The following ZFAND3 variants were observed in gnomAD, a reference collection of about 807,000 sequenced individuals.
ZFAND3 encodes the protein zinc finger AN1-type containing 3.
A neutral mutation model predicts 29.6 loss-of-function variants in ZFAND3; 10 were observed. The ratio of observed to expected loss-of-function variants is 0.34; its 90% CI spans 0.21 to 0.57. The LOEUF (loss-of-function observed/expected upper bound fraction) is 0.57, where lower values mean the gene tolerates loss of function less well. Ranked by LOEUF, ZFAND3 falls within the 20% of genes least tolerant of loss-of-function variation. The probability of loss-of-function intolerance (pLI) is 0.86; values close to 1 mark genes in which losing one functional copy is unlikely to be tolerated. For synonymous variants in ZFAND3, 128 were observed against 112.6 expected (o/e 1.14, Z -0.87); for missense variants, 230 against 304.5 (o/e 0.76, Z 1.82).
chr6:38,017,700 T>TA (rs970582480), intron 2 of ZFAND3, among the ~76,000 whole-genome samples: 150 of 145,040 alleles, frequency 1.0e-3, no homozygotes, highest in Non-Finnish European at 1.1e-3. Flanking sequence ...CTGCTCCCAT[T>TA]AAAAAAAAAA....
At chr6:38,001,932 T>C (rs1379492009) in intron 2 of ZFAND3, among the ~76,000 whole-genome samples, 1 of 152,186 alleles carries the variant, frequency 6.6e-6, no homozygotes, top group Admixed American at 6.5e-5. Context: ...AGTCTAAATA[T>C]TGATATATTA....
chr6:37,964,395 T>TTA (rs1194691786), intron 2 of ZFAND3, among the ~76,000 whole-genome samples: 1 of 152,102 alleles, frequency 6.6e-6, no homozygotes, highest in East Asian at 1.9e-4. Flanking sequence ...CAGAGGGAGA[T>TTA]TAAACTGGTG....
intron 2 of ZFAND3, among the ~76,000 whole-genome samples, chr6:37,994,847 A>T (rs1762822737): frequency 6.6e-6 from 1 of 152,146 alleles, no homozygotes; most frequent in Non-Finnish European, 1.5e-5. Context: ...TAGTGGCTAG[A>T]TATCAGGCAG....
chr6:37,998,888 G>C (rs977172741), intron 2 of ZFAND3, among the ~76,000 whole-genome samples: 2 of 152,182 alleles, frequency 1.3e-5, no homozygotes, highest in East Asian at 3.8e-4. Context: ...AATATTTACA[G>C]AGATGAATGT....
intron 1 of ZFAND3, among the ~76,000 whole-genome samples, chr6:37,844,576 C>T (rs115547387): frequency 0.015 from 2,342 of 152,080 alleles, 28 homozygotes; most frequent in Middle Eastern, 0.045. Flanking sequence ...CCACTGCGCC[C>T]GGCCAGTTTT....
At chr6:37,941,496 A>G (rs921408542) in intron 2 of ZFAND3, among the ~76,000 whole-genome samples, 3 of 152,284 alleles carry the variant, frequency 2.0e-5, no homozygotes, top group South Asian at 2.1e-4. Context: ...GTTTTTGTCT[A>G]ACACATTTTC....
intron 4 of ZFAND3, among the ~76,000 whole-genome samples, chr6:38,095,102 A>G (rs2127475390): frequency 6.6e-6 from 1 of 152,358 alleles, no homozygotes; most frequent in African/African-American, 2.4e-5. Context: ...TATGACATTT[A>G]CATTATTATG....
intron 5 of ZFAND3, among the ~76,000 whole-genome samples, chr6:38,138,855 A>G (rs188516978): frequency 6.6e-6 from 1 of 152,322 alleles, no homozygotes; most frequent in East Asian, 1.9e-4. Flanking sequence ...GATTCCTAGC[A>G]TTATTCTAGT....
At chr6:37,837,429 T>C (rs1461101668) in intron 1 of ZFAND3, among the ~76,000 whole-genome samples, 1 of 152,192 alleles carries the variant, frequency 6.6e-6, no homozygotes, top group Non-Finnish European at 1.5e-5. Context: ...TCTGTTGTTA[T>C]TTTAGGGAAT....
At chr6:37,822,455 T>C (rs1763684071) in intron 1 of ZFAND3, among the ~76,000 whole-genome samples, 1 of 152,228 alleles carries the variant, frequency 6.6e-6, no homozygotes, top group Non-Finnish European at 1.5e-5. Flanking sequence ...GTATCACAAC[T>C]GACTTTGGAC....
In ZFAND3 at chr6:38,120,320, C is replaced by CTTTTTTTTTTTTTTTTTTTTTTTTTT. The variant is rs70981523; in HGVS notation, c.529+3586_529+3611dup. Among the ~76,000 whole-genome samples, 23 of 60,730 alleles carry CTTTTTTTTTTTTTTTTTTTTTTTTTT rather than the reference C, an allele frequency of 3.8e-4. 4 individuals carry two copies. The highest frequency in any genetic ancestry group is 5.3e-4 in the Non-Finnish European group (17 of 31,824). The allele number at this position is 60,730 out of a possible 152,430, so 39.8% of individuals were successfully genotyped here. A position where few individuals can be genotyped will look rare whatever the true frequency, so the allele number is the denominator to read the frequency against. ...TGATTGATACACGTAGCTTGGCTTC[C>CTTTTTTTTTTTTTTTTTTTTTTTTTT]TTTTTTTTTTTTTTTTTTTTTTTTT... On this transcript the variant is annotated intron_variant, in intron 5 of 5. Coordinates refer to ENST00000287218, the MANE Select transcript of ZFAND3 (RefSeq NM_021943.3).
At chr6:38,091,383 G>C (rs969775757) in intron 4 of ZFAND3, among the ~76,000 whole-genome samples, 2 of 150,086 alleles carry the variant, frequency 1.3e-5, no homozygotes, top group African/African-American at 4.9e-5. Flanking sequence ...TAGCTGTTCT[G>C]TTGCTCCACT....
chr6:37,839,390 T>A (rs1764028946), intron 1 of ZFAND3, among the ~76,000 whole-genome samples: 4 of 151,812 alleles, frequency 2.6e-5, no homozygotes, highest in Admixed American at 2.6e-4. Flanking sequence ...CCGTGTTAGC[T>A]GGGATGGTCT....
intron 2 of ZFAND3, among the ~76,000 whole-genome samples, chr6:38,005,940 CTTAG>C (rs1038886111): frequency 1.1e-4 from 17 of 152,116 alleles, no homozygotes; most frequent in African/African-American, 4.1e-4. Context: ...TTTAAAAGTT[CTTAG>C]TTAGGTAACC....
At chr6:38,015,852 A>G (rs973155728) in intron 2 of ZFAND3, among the ~76,000 whole-genome samples, 11 of 152,248 alleles carry the variant, frequency 7.2e-5, no homozygotes, top group Non-Finnish European at 1.2e-4. Context: ...CAGATTTTCA[A>G]CTTGACCTGT....
chr6:38,027,290 T>C (rs1763469343), intron 2 of ZFAND3, among the ~76,000 whole-genome samples: 1 of 152,258 alleles, frequency 6.6e-6, no homozygotes, highest in East Asian at 1.9e-4. Flanking sequence ...AAATGCCTTA[T>C]TGTCAACAAA....
intron 2 of ZFAND3, among the ~76,000 whole-genome samples, chr6:38,047,970 TTTG>T (rs1267752290): frequency 7.6e-6 from 1 of 132,006 alleles, no homozygotes; most frequent in African/African-American, 2.6e-5. Context: ...TTGGGTTTTT[TTTG>T]TTTTTTTTTT....
At chr6:38,082,543 A>G (rs1581902079) in intron 4 of ZFAND3, 86 bp downstream of exon 4, 1 of 1,284,506 alleles carries the variant, frequency 7.8e-7, no homozygotes, top group East Asian at 2.4e-5. Flanking sequence ...TGTGCTTCTC[A>G]GGGTACTCTG....
intron 1 of ZFAND3, among the ~76,000 whole-genome samples, chr6:37,892,232 A>T (rs1277752213): frequency 6.6e-6 from 1 of 152,238 alleles, no homozygotes; most frequent in Non-Finnish European, 1.5e-5. Flanking sequence ...CTCTTAAACA[A>T]TTAGCTGGTC....
Sources: allele counts gnomAD v4.1 joint callset (sites outside exome capture counted in the v4.1 genomes callset), GRCh38; gene constraint gnomAD v4.1.1; transcripts MANE v1.5; gene names NCBI Gene and HGNC (gene_info 2026-07-23, HGNC 2026-07-21).